VSTM4: variants seen among roughly 807,000 people sequenced by gnomAD.
The protein encoded by VSTM4 is V-set and transmembrane domain-containing protein 4.
A neutral mutation model predicts 36.4 loss-of-function variants in VSTM4; 20 were observed. The ratio of observed to expected loss-of-function variants is 0.55; its 90% confidence interval spans 0.39 to 0.80. The LOEUF is 0.80. Ranked by LOEUF, VSTM4 falls within the 30% of genes least tolerant of loss-of-function variation. The pLI is 0.00. For synonymous variants in VSTM4, 182 were observed against 173.9 expected, an observed-to-expected ratio of 1.05 and a Z score of -0.37; for missense variants, 392 against 404.5, an observed-to-expected ratio of 0.97 and a Z score of 0.26.
At chr10:49,024,842 T>C (rs1220296130) in intron 7 of VSTM4, among the ~76,000 whole-genome samples, 2 of 152,176 alleles carry the variant, frequency 1.3e-5, no homozygotes. Context: ...AAGGAACAGA[T>C]TCTAGGAAAT....
chr10:49,086,130 T>C, intron 2 of VSTM4, 107 bp from the exon 3 acceptor site: 1 of 659,648 alleles, frequency 1.5e-6, no homozygotes, highest in South Asian at 2.4e-5. Context: ...CCACATTTAG[T>C]TGTCAAAACT....
chr10:49,056,236 T>C (rs910969322), intron 5 of VSTM4, among the ~76,000 whole-genome samples: 2 of 152,260 alleles, frequency 1.3e-5, no homozygotes, highest in African/African-American at 4.8e-5. Flanking sequence ...TGTATTTCCC[T>C]GCTGGCTTCA....
intron 7 of VSTM4, among the ~76,000 whole-genome samples, chr10:49,022,974 T>C (rs1444966162): frequency 6.6e-6 from 1 of 152,212 alleles, no homozygotes; most frequent in African/African-American, 2.4e-5. Flanking sequence ...GATGTTCCTA[T>C]AGTAAACATA....
chr10:49,080,037 A>G (rs1844251619), intron 3 of VSTM4, among the ~76,000 whole-genome samples: 1 of 152,228 alleles, frequency 6.6e-6, no homozygotes, highest in Non-Finnish European at 1.5e-5. Flanking sequence ...TGATTTAACA[A>G]TCTCTTACTA....
intron 7 of VSTM4, among the ~76,000 whole-genome samples, chr10:49,020,026 CA>C (rs1275092216): frequency 6.6e-6 from 1 of 151,916 alleles, no homozygotes; most frequent in Admixed American, 6.5e-5. Flanking sequence ...GAAACACTCA[CA>C]AAAAAATGAC....
intron 3 of VSTM4, among the ~76,000 whole-genome samples, chr10:49,081,795 ACCG>A (rs1309049335): frequency 5.3e-5 from 8 of 152,086 alleles, no homozygotes; most frequent in Non-Finnish European, 1.0e-4. Context: ...CACACACAAG[ACCG>A]GTCATGGCCA....
At position 49,015,684 on chromosome 10, in the gene VSTM4, G is replaced by C. The variant is rs1373187442; in HGVS notation, c.*3966C>G. On this transcript the variant is annotated 3_prime_UTR_variant, in exon 8 of 8. Transcript: ENST00000332853. ...CCATGTGGCTGCCTCACTTTTTAAT[G>C]GGCTCCAAATGACACAGAGCTGGGT... 6.6e-6 allele frequency: 1 copy of C among 152,212 alleles called. No individual in the cohort carries two copies. Among genetic ancestry groups the C allele is most frequent in the Non-Finnish European group, 1.5e-5 (1 of 68,098 alleles). 9.4% of individuals were successfully genotyped at this position (152,212 alleles called of 1,614,324 possible). A position where few individuals can be genotyped will look rare whatever the true frequency, so the allele number is the denominator to read the frequency against.
At chr10:49,089,885 G>A (rs898387690) in intron 2 of VSTM4, among the ~76,000 whole-genome samples, 1 of 152,238 alleles carries the variant, frequency 6.6e-6, no homozygotes, top group Non-Finnish European at 1.5e-5. Context: ...GCTGTGGGAT[G>A]CAGCCAGGCC....
chr10:49,038,283 A>C (rs980791347), intron 7 of VSTM4, among the ~76,000 whole-genome samples: 2 of 152,258 alleles, frequency 1.3e-5, no homozygotes, highest in Non-Finnish European at 2.9e-5. Flanking sequence ...GGCCTTAAGA[A>C]GAATGAAAAT....
At chr10:49,033,975 C>T (rs1843386537) in intron 7 of VSTM4, among the ~76,000 whole-genome samples, 1 of 152,120 alleles carries the variant, frequency 6.6e-6, no homozygotes, top group South Asian at 2.1e-4. Flanking sequence ...CCACCATAAT[C>T]ACCATCATCA....
chr10:49,051,104 T>C (rs1394926104), intron 5 of VSTM4, among the ~76,000 whole-genome samples: 2 of 152,190 alleles, frequency 1.3e-5, no homozygotes, highest in Non-Finnish European at 2.9e-5. Flanking sequence ...TGATGTACAG[T>C]ATATTCTATG....
intron 2 of VSTM4, among the ~76,000 whole-genome samples, chr10:49,106,696 AC>A (rs1844789517): frequency 6.6e-6 from 1 of 151,770 alleles, no homozygotes; most frequent in Non-Finnish European, 1.5e-5. Flanking sequence ...GGTGCCCGGC[AC>A]CCCCCAGCCA....
chr10:49,063,819 G>A (rs1843924655), intron 5 of VSTM4, among the ~76,000 whole-genome samples: 1 of 152,176 alleles, frequency 6.6e-6, no homozygotes, highest in Admixed American at 6.5e-5. Flanking sequence ...AAGGCTTGGT[G>A]TCACCTGGTT....
At chr10:49,056,821 G>T (rs1039674882) in intron 5 of VSTM4, among the ~76,000 whole-genome samples, 2 of 152,180 alleles carry the variant, frequency 1.3e-5, no homozygotes, top group Admixed American at 1.3e-4. Flanking sequence ...CATTTGTGTT[G>T]CTATAAAGGA....
At chr10:49,102,547 T>C (rs894951902) in intron 2 of VSTM4, 12 of 985,352 alleles carry the variant, frequency 1.2e-5, no homozygotes, top group Non-Finnish European at 1.4e-5. Flanking sequence ...AGCTACAAGA[T>C]GTTGCCAGTG....
chr10:49,088,617 G>A (rs1396881228), intron 2 of VSTM4, among the ~76,000 whole-genome samples: 1 of 152,246 alleles, frequency 6.6e-6, no homozygotes, highest in Non-Finnish European at 1.5e-5. Flanking sequence ...ATAGCAGAGG[G>A]AAGATGAGAG....
chr10:49,100,039 G>GAAGGAA (rs1844639510), intron 2 of VSTM4, among the ~76,000 whole-genome samples: 1 of 152,090 alleles, frequency 6.6e-6, no homozygotes, highest in Non-Finnish European at 1.5e-5. Context: ...AAAGAAAAAG[G>GAAGGAA]AAGGAAAAGG....
chr10:49,085,944 A>G lies in VSTM4; in HGVS notation c.526+11T>C, dbSNP rs759103835. 6.4e-7 allele frequency: 1 copy of G among 1,550,456 alleles called. No individual in the cohort carries two copies. Among genetic ancestry groups the G allele is most frequent in the Admixed American group, 2.0e-5 (1 of 49,634 alleles). Reference sequence around the variant, plus strand: ...ATAGAGCAATAAAAAAAAGAAATATACAAGCTTTACCTTCAAAAAATGCCC... The same window carrying G: ...ATAGAGCAATAAAAAAAAGAAATATGCAAGCTTTACCTTCAAAAAATGCCC... On this transcript the variant is annotated intron_variant, in intron 3 of 7. Coordinates refer to ENST00000332853, the MANE Select transcript of VSTM4 (RefSeq NM_001031746.5).
chr10:49,102,353 C>A (rs1427280213), intron 2 of VSTM4: 7 of 954,286 alleles, frequency 7.3e-6, no homozygotes, highest in Non-Finnish European at 8.7e-6. Context: ...CCAGGCTGGT[C>A]TTGAACTCTT....
Sources: gnomAD v4.1 joint callset for allele counts (sites outside exome capture counted in the v4.1 genomes callset) on GRCh38, gnomAD v4.1.1 for gene constraint, MANE v1.5 for transcripts, NCBI Gene and HGNC (gene_info 2026-07-23, HGNC 2026-07-21) for gene names.